CRACDL: variants seen among roughly 807,000 people sequenced by gnomAD.
The protein encoded by CRACDL is CRACD-like protein.
In CRACDL, 26 loss-of-function variants were observed where a neutral mutation model predicts 70.6. That is an observed-to-expected ratio of 0.37 (90% CI 0.27 to 0.51). The LOEUF (loss-of-function observed/expected upper bound fraction) is 0.51. CRACDL is among the 20% of genes least tolerant of loss of function. The pLI, the probability that CRACDL is intolerant of heterozygous loss-of-function variation, is 0.94. For missense variants in CRACDL, 1,283 were observed against 1,376.9 expected, an observed-to-expected ratio of 0.93 and a Z score of 1.08; for synonymous variants, 618 against 615.2, an observed-to-expected ratio of 1.00 and a Z score of -0.07.
chr2:98,813,403 G>C (rs1273117628), intron 7 of CRACDL, among the ~76,000 whole-genome samples: 1 of 152,158 alleles, frequency 6.6e-6, no homozygotes, highest in Admixed American at 6.5e-5. Context: ...TTGCACTCCA[G>C]CTTGGGCAAC....
In CRACDL at chr2:98,850,329, C is replaced by T. The variant is rs551676381; in HGVS notation, c.-10-3519G>A. Among the ~76,000 whole-genome samples the T allele has an allele frequency of 3.9e-5, 6 of 152,348 alleles. No homozygotes were observed. In the East Asian group the frequency reaches 7.7e-4, roughly 20 times the overall value. On this transcript the variant is annotated intron_variant, in intron 1 of 9. Coordinates refer to ENST00000397899, the MANE Select transcript of CRACDL (RefSeq NM_207362.3). ...TTCATGTGGACATTCCAGGTGGAAA[C>T]ACCCCACAGCTGTGACAATGGAACA...
intron 1 of CRACDL, among the ~76,000 whole-genome samples, chr2:98,930,305 C>A: frequency 8.3e-6 from 1 of 120,736 alleles, no homozygotes; most frequent in African/African-American, 3.3e-5. Flanking sequence ...CCCTCTGTAC[C>A]GTGTCCCCTA....
chr2:98,825,796 CA>C (rs1559217890), intron 6 of CRACDL, among the ~76,000 whole-genome samples: 1 of 152,222 alleles, frequency 6.6e-6, no homozygotes, highest in Non-Finnish European at 1.5e-5. Context: ...CTTCTTCCTC[CA>C]GCATTAGTCC....
At chr2:98,909,801 T>C (rs1448816652) in intron 1 of CRACDL, among the ~76,000 whole-genome samples, 1 of 152,180 alleles carries the variant, frequency 6.6e-6, no homozygotes, top group Non-Finnish European at 1.5e-5. Context: ...CTCTGCCACC[T>C]GTAAACTCAC....
chr2:98,867,418 T>A (rs1401997964), intron 1 of CRACDL, among the ~76,000 whole-genome samples: 2 of 152,194 alleles, frequency 1.3e-5, no homozygotes, highest in African/African-American at 4.8e-5. Flanking sequence ...ATACAATTCA[T>A]GTCTTAGACT....
intron 1 of CRACDL, among the ~76,000 whole-genome samples, chr2:98,931,935 C>T (rs1435088767): frequency 6.6e-6 from 1 of 152,142 alleles, no homozygotes; most frequent in Non-Finnish European, 1.5e-5. Context: ...GGGTTAGACC[C>T]CCTTAAAAGC....
intron 1 of CRACDL, among the ~76,000 whole-genome samples, chr2:98,877,342 C>T (rs954436459): frequency 1.3e-5 from 2 of 152,202 alleles, no homozygotes; most frequent in East Asian, 1.9e-4. Flanking sequence ...AACGGTGTTT[C>T]AGTCAATGAT....
At position 98,857,371 on chromosome 2, in the gene CRACDL, C is replaced by T. The variant is rs117420709; in HGVS notation, c.-10-10561G>A. Among the ~76,000 whole-genome samples, 31 of 151,978 alleles carry T rather than the reference C, an allele frequency of 2.0e-4. No homozygotes were observed. The East Asian group carries it at 6.0e-3, about 29-fold the overall frequency. On this transcript the variant is annotated intron_variant, in intron 1 of 9. Transcript: ENST00000397899. Reference sequence around the variant, plus strand: ...ATGATATAAAAATATAATTATTGGGCCTATGACAAACATAGATGTAATATG... The same window carrying T: ...ATGATATAAAAATATAATTATTGGGTCTATGACAAACATAGATGTAATATG...
chr2:98,846,853 A>C (rs1285997496), intron 1 of CRACDL, 43 bp from the exon 2 acceptor site: 2 of 1,511,384 alleles, frequency 1.3e-6, no homozygotes, highest in African/African-American at 2.7e-5. Flanking sequence ...CATGGTTAGC[A>C]GAAGTTACCA....
chr2:98,924,113 C>T (rs1482787691), intron 1 of CRACDL, among the ~76,000 whole-genome samples: 2 of 152,250 alleles, frequency 1.3e-5, no homozygotes, highest in African/African-American at 4.8e-5. Context: ...GAAGTCTCTG[C>T]TCCTTCAGTT....
At chr2:98,841,046 A>C (rs183415358) in intron 2 of CRACDL, among the ~76,000 whole-genome samples, 1 of 152,192 alleles carries the variant, frequency 6.6e-6, no homozygotes, top group East Asian at 1.9e-4. Flanking sequence ...AAAAATCTGA[A>C]ATCTGAAACA....
At chr2:98,903,843 C>T (rs951239064) in intron 1 of CRACDL, among the ~76,000 whole-genome samples, 5 of 152,222 alleles carry the variant, frequency 3.3e-5, no homozygotes, top group African/African-American at 9.6e-5. Flanking sequence ...CATGCACACG[C>T]GTCCACGTGC....
chr2:98,904,093 G>A (rs1244036392), intron 1 of CRACDL, among the ~76,000 whole-genome samples: 2 of 152,226 alleles, frequency 1.3e-5, no homozygotes, highest in Non-Finnish European at 1.5e-5. Flanking sequence ...AATGCTGTGA[G>A]GACAGGGTAA....
intron 1 of CRACDL, among the ~76,000 whole-genome samples, chr2:98,889,281 GAGAGAGAAAGAA>G (rs1321048072): frequency 1.9e-5 from 2 of 107,866 alleles, no homozygotes; most frequent in African/African-American, 3.3e-5. Context: ...AACAGAAAAA[GAGAGAGAAAGAA>G]AGAAAGAAAG....
chr2:98,837,064 G>A (rs1705819505), intron 3 of CRACDL, among the ~76,000 whole-genome samples: 2 of 143,752 alleles, frequency 1.4e-5, no homozygotes, highest in Non-Finnish European at 3.0e-5. Context: ...CAGCCTGGGC[G>A]ACAGAGCGAG....
At chr2:98,885,531 A>G (rs1263471033) in intron 1 of CRACDL, among the ~76,000 whole-genome samples, 1 of 152,228 alleles carries the variant, frequency 6.6e-6, no homozygotes, top group African/African-American at 2.4e-5. Context: ...TGTCATGAAA[A>G]TATGACTGAC....
Position 98,854,961 on chromosome 2 carries a change from T to C in CRACDL, c.-10-8151A>G, listed in dbSNP as rs1006413681. On this transcript the variant is annotated intron_variant, in intron 1 of 9. Transcript: ENST00000397899. ...AATAACATCACATCAACTTAAAGTT[T>C]GCTGATTTTGATCATTGTAACTATG... 2.0e-5 allele frequency among the ~76,000 whole-genome samples: 3 copies of C among 152,244 alleles called. No homozygotes were observed. The East Asian group carries it at 5.8e-4, about 29-fold the overall frequency.
chr2:98,907,352 G>A (rs7607186), intron 1 of CRACDL, among the ~76,000 whole-genome samples: 1 of 152,076 alleles, frequency 6.6e-6, no homozygotes, highest in Non-Finnish European at 1.5e-5. Context: ...CAATGTGACT[G>A]TGTGACTTCC....
chr2:98,899,034 C>G (rs765656440), intron 1 of CRACDL, among the ~76,000 whole-genome samples: 1 of 152,138 alleles, frequency 6.6e-6, no homozygotes, highest in African/African-American at 2.4e-5. Flanking sequence ...AAAGTCAAGA[C>G]GCCAGCAACA....
Sources: allele counts gnomAD v4.1 joint callset (sites outside exome capture counted in the v4.1 genomes callset), GRCh38; gene constraint gnomAD v4.1.1; transcripts MANE v1.5; gene names NCBI Gene and HGNC (gene_info 2026-07-23, HGNC 2026-07-21).